Variants in RAP1GAP2 observed in about 807,000 individuals in gnomAD.
RAP1GAP2 encodes RAP1 GTPase activating protein 2, also known as rap1 GTPase-activating protein 2.
RAP1GAP2 carries 27 observed loss-of-function variants against 95.0 expected under a neutral mutation model. That is an observed-to-expected ratio of 0.28 (90% CI 0.21 to 0.39). The LOEUF (loss-of-function observed/expected upper bound fraction) is 0.39. Ranked by LOEUF, RAP1GAP2 falls within the 10% of genes least tolerant of loss-of-function variation. RAP1GAP2 has a pLI of 1.00. For synonymous variants in RAP1GAP2, 373 were observed against 380.9 expected, an observed-to-expected ratio of 0.98 and a Z score of 0.24; for missense variants, 771 against 970.0, an observed-to-expected ratio of 0.79 and a Z score of 2.72.
At chr17:2,944,992 C>T (rs1176046061) in intron 3 of RAP1GAP2, among the ~76,000 whole-genome samples, 2 of 152,132 alleles carry the variant, frequency 1.3e-5, no homozygotes, top group Non-Finnish European at 2.9e-5. Context: ...ACGTCATTCT[C>T]CTGCCTCAGT....
chr17:2,757,009 G>A (rs531946579), intron 1 of RAP1GAP2, among the ~76,000 whole-genome samples: 18 of 152,384 alleles, frequency 1.2e-4, no homozygotes, highest in Admixed American at 3.9e-4. Flanking sequence ...ATCCCACAGT[G>A]TCAGAGCAGG....
At chr17:3,017,916 C>CGT (rs56791699) in intron 17 of RAP1GAP2, 145 bp from the exon 18 acceptor site, 170,574 of 557,208 alleles carry the variant, frequency 0.31, 9,723 homozygotes, top group East Asian at 0.39. Context: ...CCTCTGTGAC[C>CGT]GTGTGTGTGT....
intron 2 of RAP1GAP2, among the ~76,000 whole-genome samples, chr17:2,814,558 C>A (rs1022643617): frequency 2.0e-5 from 3 of 152,172 alleles, no homozygotes; most frequent in Admixed American, 2.0e-4. Flanking sequence ...TCCTCCCGCG[C>A]CGTGGGGATC....
At chr17:2,849,266 G>A (rs1438732270) in intron 2 of RAP1GAP2, among the ~76,000 whole-genome samples, 1 of 152,030 alleles carries the variant, frequency 6.6e-6, no homozygotes, top group Non-Finnish European at 1.5e-5. Context: ...TTGCTCCATG[G>A]CCCCCCTCGC....
rs542763231 is a variant in RAP1GAP2 at position 2,961,174 on chromosome 17, A to G, written c.202-1496A>G. Among the ~76,000 whole-genome samples the G allele has an allele frequency of 3.3e-3, 500 of 151,486 alleles. 1 individual carries two copies. Among genetic ancestry groups the G allele is most frequent in the African/African-American group, 0.012 (481 of 41,196 alleles). On this transcript the variant is annotated intron_variant, in intron 4 of 24. Transcript: ENST00000254695. ...GGAGGTTGCAGTGAACCGAGATCCC[A>G]CCACTGCACTCCAGCCTGGGCAACA...
At chr17:2,759,048 C>G (rs2071200019) in intron 1 of RAP1GAP2, among the ~76,000 whole-genome samples, 1 of 151,852 alleles carries the variant, frequency 6.6e-6, no homozygotes, top group Admixed American at 6.6e-5. Context: ...CTATATTGTC[C>G]AGGCTGGTCT....
intron 2 of RAP1GAP2, among the ~76,000 whole-genome samples, chr17:2,771,559 T>C (rs1329134884): frequency 6.7e-6 from 1 of 148,670 alleles, no homozygotes; most frequent in Non-Finnish European, 1.5e-5. Context: ...AATGGCACGA[T>C]CTTGGCTCAC....
rs567932623 is a variant in RAP1GAP2 at position 2,995,425 on chromosome 17, G to A, written c.1003G>A (p.Val335Ile). ...TFRDREIMFH[V>I]STKLPFTDGD... ...CCGGGACAGGGAGATCATGTTTCACGTTTCCACAAAGCTGCCATTTACCGA... is the reference window on the plus strand; with the variant it reads ...CCGGGACAGGGAGATCATGTTTCACATTTCCACAAAGCTGCCATTTACCGA... The change falls in exon 13 of 25, where the codon GTT becomes ATT. Residue 335 changes from valine to isoleucine, a missense_variant. By Grantham distance (29) the Val-to-Ile change is conservative. Transcript: ENST00000254695. The A allele has an allele frequency of 5.3e-5, 86 of 1,613,958 alleles. 3 individuals are homozygous for A. The South Asian group carries it at 8.6e-4, about 16-fold the overall frequency.
chr17:3,023,236 G>A (rs1435940716), intron 19 of RAP1GAP2, among the ~76,000 whole-genome samples: 1 of 152,126 alleles, frequency 6.6e-6, no homozygotes, highest in Non-Finnish European at 1.5e-5. Context: ...TCTTTTTGTT[G>A]TATCCTTGTA....
chr17:2,934,239 G>T (rs952939336), intron 3 of RAP1GAP2, among the ~76,000 whole-genome samples: 1 of 152,116 alleles, frequency 6.6e-6, no homozygotes, highest in African/African-American at 2.4e-5. Flanking sequence ...TCAAGTGATT[G>T]TCCTGACTCA....
intron 3 of RAP1GAP2, among the ~76,000 whole-genome samples, chr17:2,952,047 T>TAAAAC (rs2043944385): frequency 6.6e-6 from 1 of 151,480 alleles, no homozygotes; most frequent in Non-Finnish European, 1.5e-5. Context: ...AAAAATAAAA[T>TAAAAC]AAAATAAAAT....
At chr17:3,013,632 C>CTT (rs998163717) in intron 17 of RAP1GAP2, among the ~76,000 whole-genome samples, 3,425 of 78,830 alleles carry the variant, frequency 0.043, 131 homozygotes, top group Non-Finnish European at 0.06. Context: ...CTTTTCTTTT[C>CTT]TTTTTTTTTT....
At chr17:2,923,973 A>G (rs917285085) in intron 3 of RAP1GAP2, among the ~76,000 whole-genome samples, 13 of 152,218 alleles carry the variant, frequency 8.5e-5, no homozygotes, top group Admixed American at 2.6e-4. Flanking sequence ...GAAATAAACA[A>G]GTGGCTCAGA....
chr17:3,037,377 C>CCCCCCCCCCCCCCG lies in RAP1GAP2; in HGVS notation c.*4016_*4017insCCCCCCCCCCCCCG, dbSNP rs879226258. 5 of 54,998 alleles carry CCCCCCCCCCCCCCG rather than the reference C, an allele frequency of 9.1e-5. No individual in the cohort carries two copies. Among genetic ancestry groups the CCCCCCCCCCCCCCG allele is most frequent in the Admixed American group, 2.5e-4 (1 of 4,038 alleles). 3.4% of individuals were successfully genotyped at this position (54,998 alleles called of 1,614,324 possible). On this transcript the variant is annotated 3_prime_UTR_variant, in exon 25 of 25. Transcript: ENST00000254695. ...GAAGTGTGAACTACCCCCCCCCCCC[C>CCCCCCCCCCCCCCG]GCTTCCTGCTCCTTAGCATGCGTGC...
intron 22 of RAP1GAP2, among the ~76,000 whole-genome samples, chr17:3,028,200 C>G (rs946477635): frequency 6.6e-6 from 1 of 152,042 alleles, no homozygotes; most frequent in Non-Finnish European, 1.5e-5. Flanking sequence ...GAAAGGAGCT[C>G]ATGCTTGTAC....
intron 17 of RAP1GAP2, among the ~76,000 whole-genome samples, chr17:3,010,080 G>T (rs943895633): frequency 6.6e-6 from 1 of 152,048 alleles, no homozygotes; most frequent in Admixed American, 6.5e-5. Context: ...CGTGCCTCAC[G>T]CCTGTAATCC....
rs185062053 is a variant in RAP1GAP2, at chr17:2,800,156, C to T, written c.45-359C>T. The stretch of plus-strand genomic sequence containing the variant: ...GAAGCCGGGTTGCTGGGTTCTCTTG[C>T]GAGGGTAGCCGTAATAAAGGGAGAG... On this transcript the variant is annotated intron_variant, in intron 1 of 24. Transcript: ENST00000254695. 65 of 985,024 alleles carry T rather than the reference C, an allele frequency of 6.6e-5. No individual in the cohort carries two copies. In the East Asian group the frequency reaches 1.5e-3, roughly 22 times the overall value. 61.0% of individuals were successfully genotyped at this position (985,024 alleles called of 1,614,324 possible).
intron 3 of RAP1GAP2, among the ~76,000 whole-genome samples, chr17:2,951,448 G>A (rs2043921231): frequency 6.6e-6 from 1 of 152,228 alleles, no homozygotes; most frequent in Non-Finnish European, 1.5e-5. Context: ...GTTGTGTGCG[G>A]TGGCTCACAC....
At chr17:2,850,199 A>G (rs1282410626) in intron 2 of RAP1GAP2, among the ~76,000 whole-genome samples, 1 of 149,856 alleles carries the variant, frequency 6.7e-6, no homozygotes, top group African/African-American at 2.4e-5. Context: ...ACGGGGTTTC[A>G]CCATGTTAGC....
Sources: gnomAD v4.1 joint callset for allele counts (sites outside exome capture counted in the v4.1 genomes callset) on GRCh38, gnomAD v4.1.1 for gene constraint, MANE v1.5 for transcripts, NCBI Gene and HGNC (gene_info 2026-07-23, HGNC 2026-07-21) for gene names.